EWSR1: variants seen among roughly 807,000 people sequenced by gnomAD.
EWSR1 encodes RNA-binding protein EWS.
In EWSR1, 14 loss-of-function variants were observed where a neutral mutation model predicts 92.1. The observed-to-expected ratio is 0.15, with a 90% CI of 0.10 to 0.24. EWSR1 has a LOEUF of 0.24. Among genes scored for constraint, EWSR1 ranks in the 10% least tolerant of loss-of-function variants. The pLI is 1.00. For synonymous variants in EWSR1, 303 were observed against 292.9 expected (o/e 1.03, Z -0.35); for missense variants, 637 against 870.9 (o/e 0.73, Z 3.38).
intron 6 of EWSR1, 80 bp downstream of exon 6, chr22:29,282,637 C>A: frequency 8.0e-7 from 1 of 1,247,096 alleles, no homozygotes; most frequent in Non-Finnish European, 1.1e-6. Context: ...GCTTTGACTT[C>A]TTCAGCTAAG....
chr22:29,279,331 AATTG>A (rs1478953728), intron 5 of EWSR1, among the ~76,000 whole-genome samples: 6 of 152,372 alleles, frequency 3.9e-5, no homozygotes, highest in African/African-American at 1.4e-4. Flanking sequence ...CGTATGACCT[AATTG>A]TCTGGAAAGG....
At chr22:29,291,516 T>C (rs1312957827) in intron 8 of EWSR1, 46 bp from the exon 9 acceptor site, 1 of 1,604,630 alleles carries the variant, frequency 6.2e-7, no homozygotes. Flanking sequence ...AGAGCGGTAC[T>C]GGCTTTTAAA....
chr22:29,276,005 G>A (rs912331183), intron 4 of EWSR1: 30 of 230,740 alleles, frequency 1.3e-4, no homozygotes, highest in African/African-American at 5.6e-4. Context: ...GCTTTTGTGG[G>A]TACTACAGAT....
At chr22:29,280,862 GTTTTTTTTTTTTT>G (rs71196650) in intron 5 of EWSR1, among the ~76,000 whole-genome samples, 8 of 62,900 alleles carry the variant, frequency 1.3e-4, no homozygotes, top group South Asian at 5.5e-4. Context: ...TGTGTGTGTT[GTTTTTTTTTTTTT>G]TTTTTTTTTT....
chr22:29,282,885 C>T (rs2147198571), intron 6 of EWSR1, among the ~76,000 whole-genome samples: 2 of 152,000 alleles, frequency 1.3e-5, no homozygotes, highest in South Asian at 4.2e-4. Context: ...GCCTCAACCT[C>T]CCGAGTAGCT....
At chr22:29,274,492 T>G in intron 4 of EWSR1, 1 of 543,162 alleles carries the variant, frequency 1.8e-6, no homozygotes, top group Non-Finnish European at 3.3e-6. Context: ...TTTTATTTAA[T>G]ATTACTTTGT....
chr22:29,271,381 C>T (rs1345702374), intron 1 of EWSR1, among the ~76,000 whole-genome samples: 2 of 151,838 alleles, frequency 1.3e-5, no homozygotes, highest in African/African-American at 2.4e-5. Flanking sequence ...GTTTTTGGTC[C>T]CTTTGGATGC....
At chr22:29,297,997 T>C in intron 13 of EWSR1, 48 bp downstream of exon 13, 1 of 1,562,096 alleles carries the variant, frequency 6.4e-7, no homozygotes, top group Non-Finnish European at 8.7e-7. Flanking sequence ...TTCAGTACAC[T>C]TCATACCCTT....
At chr22:29,269,433 A>G (rs1370312020) in intron 1 of EWSR1, 1 of 152,236 alleles carries the variant, frequency 6.6e-6, no homozygotes, top group African/African-American at 2.4e-5. Flanking sequence ...TCGCCTAGCC[A>G]TCACCTGCAG....
intron 11 of EWSR1, among the ~76,000 whole-genome samples, 156 bp downstream of exon 11, chr22:29,292,762 C>CTTTTTTT (rs34395867): frequency 6.0e-5 from 6 of 100,838 alleles, no homozygotes; most frequent in African/African-American, 2.4e-4. Flanking sequence ...AAAGATTAGC[C>CTTTTTTT]TTTTTTTTTT....
Position 29,272,382 on chromosome 22 carries a change from A to G in EWSR1, c.53A>G (p.Tyr18Cys), listed in dbSNP as rs1035042314. 4 of 1,613,538 alleles carry G rather than the reference A, an allele frequency of 2.5e-6. No individual in the cohort carries two copies. Among genetic ancestry groups the G allele is most frequent in the Non-Finnish European group, 3.4e-6 (4 of 1,180,022 alleles). Reference sequence around the variant, plus strand: ...TATTGCATTTAATTCTTTTGCAGCTACAGTGCTTACACCGCCCAGCCCACT... The same window carrying G: ...TATTGCATTTAATTCTTTTGCAGCTGCAGTGCTTACACCGCCCAGCCCACT... ...TYSQAAAQQG[Y>C]SAYTAQPTQG... The change falls in exon 3 of 17, where the codon TAC (tyrosine) becomes TGC (cysteine). Residue 18 changes from tyrosine (Y) to cysteine (C), a missense_variant and splice_region_variant. Tyr to Cys is a radical substitution (Grantham distance 194, BLOSUM62 -2). This residue lies in a region of EWSR1 where 144 missense variants were observed against 189.0 expected (regional missense o/e 0.76). Coordinates refer to ENST00000397938, the MANE Select transcript of EWSR1 (RefSeq NM_005243.4).
At chr22:29,271,531 G>C (rs1010661857) in intron 1 of EWSR1, among the ~76,000 whole-genome samples, 1 of 152,184 alleles carries the variant, frequency 6.6e-6, no homozygotes, top group Non-Finnish European at 1.5e-5. Flanking sequence ...TTCCCAGAAA[G>C]ACTAAATGCT....
chr22:29,276,276 G>T (rs908481526), intron 4 of EWSR1: 8 of 229,662 alleles, frequency 3.5e-5, no homozygotes, highest in Middle Eastern at 1.3e-3. Context: ...TTAGGACTCT[G>T]CAAAAACTTA....
intron 1 of EWSR1, among the ~76,000 whole-genome samples, chr22:29,271,939 A>G (rs922567036): frequency 1.3e-5 from 2 of 152,118 alleles, no homozygotes; most frequent in African/African-American, 2.4e-5. Context: ...TGGGATTGGG[A>G]TGGGTTTTGT....
At position 29,268,370 on chromosome 22, in the gene EWSR1, G is replaced by A. The variant is rs757565683; in HGVS notation, c.13+21G>A. 8 of 1,614,028 alleles carry A rather than the reference G, an allele frequency of 5.0e-6. No homozygotes were observed. The South Asian group carries it at 7.7e-5, about 16-fold the overall frequency. ...CACGGGTGAGTATGGTGGAACTGCG[G>A]TCGCGCCGGCGGTAGCCGGAACGCC... On this transcript the variant is annotated intron_variant, in intron 1 of 16. Coordinates refer to ENST00000397938, the MANE Select transcript of EWSR1 (RefSeq NM_005243.4).
Position 29,295,677 on chromosome 22 carries a change from G to A in EWSR1, c.1165-562G>A, listed in dbSNP as rs2060803119. ...TAAACTGATCGTGTGCATATATAAT[G>A]CAAAAAAGTACACGTGAAGATATTC... On this transcript the variant is annotated intron_variant, in intron 11 of 16. Transcript: ENST00000397938. 1.8e-5 allele frequency: 4 copies of A among 222,458 alleles called. No individual in the cohort carries two copies. The East Asian group carries it at 2.6e-4, about 15-fold the overall frequency. The allele number at this position is 222,458 out of a possible 1,614,324, so 13.8% of individuals were successfully genotyped here.
chr22:29,289,196 A>G (rs2060264102), intron 8 of EWSR1: 1 of 236,668 alleles, frequency 4.2e-6, no homozygotes, highest in Non-Finnish European at 8.3e-6. Context: ...AAAGGAATGC[A>G]GCTGTTTTCC....
At chr22:29,294,584 G>A (rs1470804805) in intron 11 of EWSR1, among the ~76,000 whole-genome samples, 5 of 133,536 alleles carry the variant, frequency 3.7e-5, no homozygotes, top group Non-Finnish European at 7.9e-5. Flanking sequence ...CAGCCTGGGT[G>A]ACTGAGTGAG....
chr22:29,281,953 G>T (rs1452964094), intron 5 of EWSR1, among the ~76,000 whole-genome samples: 1 of 152,186 alleles, frequency 6.6e-6, no homozygotes, highest in Non-Finnish European at 1.5e-5. Flanking sequence ...ATGATGCCAT[G>T]GACTTACGTA....
Sources: allele counts gnomAD v4.1 joint callset (sites outside exome capture counted in the v4.1 genomes callset), GRCh38; gene constraint gnomAD v4.1.1; regional missense constraint gnomAD v4.1.1; transcripts MANE v1.5; gene names NCBI Gene and HGNC (gene_info 2026-07-23, HGNC 2026-07-21).